The following NLRP1 variants were observed in gnomAD, a reference collection of about 807,000 sequenced individuals.
NLRP1 encodes the protein NLR family pyrin domain containing 1.
In NLRP1, 94 loss-of-function variants were observed where a neutral mutation model predicts 136.7. That is an observed-to-expected ratio of 0.69 (90% CI 0.58 to 0.82). The LOEUF is 0.82. Among genes scored for constraint, NLRP1 ranks in the 40% least tolerant of loss-of-function variants. The pLI is 0.00. For synonymous variants in NLRP1, 690 were observed against 725.1 expected, an observed-to-expected ratio of 0.95 and a Z score of 0.78; for missense variants, 1,575 against 1,802.7, an observed-to-expected ratio of 0.87 and a Z score of 2.29.
intron 2 of NLRP1, 82 bp downstream of exon 2, chr17:5,582,588 A>G (rs1334551948): frequency 4.4e-5 from 60 of 1,352,948 alleles, no homozygotes; most frequent in Non-Finnish European, 6.1e-5. Flanking sequence ...GTCCCCATGC[A>G]CAGACATGAT....
chr17:5,523,494 C>G (rs1909158627), intron 12 of NLRP1, among the ~76,000 whole-genome samples: 1 of 152,162 alleles, frequency 6.6e-6, no homozygotes, highest in African/African-American at 2.4e-5. Context: ...GTTGCATAAC[C>G]TTTTGCTAAG....
chr17:5,563,108 C>T (rs1472835852), intron 3 of NLRP1, among the ~76,000 whole-genome samples: 1 of 151,620 alleles, frequency 6.6e-6, no homozygotes, highest in Non-Finnish European at 1.5e-5. Flanking sequence ...AAAAACAAAA[C>T]AAAAAAAACC....
chr17:5,576,368 T>C (rs914044706), intron 3 of NLRP1, among the ~76,000 whole-genome samples: 3 of 152,134 alleles, frequency 2.0e-5, no homozygotes, highest in Non-Finnish European at 2.9e-5. Context: ...ACAAAATTGA[T>C]AGACCGCTAG....
chr17:5,507,853 C>T (rs893347672), intron 15 of NLRP1, among the ~76,000 whole-genome samples: 4 of 151,866 alleles, frequency 2.6e-5, no homozygotes, highest in Non-Finnish European at 4.4e-5. Context: ...AATTAGCCAG[C>T]GGCCAGGCGC....
In NLRP1 at chr17:5,575,021, C is replaced by T. The variant is rs113510179; in HGVS notation, c.652+6838G>A. Among the ~76,000 whole-genome samples, 1,842 of 152,198 alleles carry T rather than the reference C, an allele frequency of 0.012. 130 individuals carry two copies. The South Asian group carries it at 0.17, about 14-fold the overall frequency. ...ACCCAGAATTTCATATCCAGCCAAA[C>T]TAAGCTTCATAAGTGAAGGAGAAAT... On this transcript the variant is annotated intron_variant, in intron 3 of 16. Coordinates refer to ENST00000572272, the MANE Select transcript of NLRP1 (RefSeq NM_033004.4).
At chr17:5,523,593 C>T (rs113695850) in intron 12 of NLRP1, among the ~76,000 whole-genome samples, 12 of 152,270 alleles carry the variant, frequency 7.9e-5, no homozygotes, top group South Asian at 2.1e-4. Context: ...CTCTGACCAG[C>T]GCCAGGCAAG....
chr17:5,512,607 GA>G (rs1268103264), downstream of NLRP1: 1 of 473,558 alleles, frequency 2.1e-6, no homozygotes. Context: ...TGAAGGACCC[GA>G]AAGACAAGGC....
chr17:5,546,841 A>G (rs889321743), intron 5 of NLRP1, among the ~76,000 whole-genome samples: 6 of 152,192 alleles, frequency 3.9e-5, no homozygotes, highest in African/African-American at 1.4e-4. Flanking sequence ...CTGGCATCCA[A>G]GCGTGTGTAA....
At chr17:5,553,908 T>C (rs1913703074) in intron 4 of NLRP1, among the ~76,000 whole-genome samples, 1 of 151,536 alleles carries the variant, frequency 6.6e-6, no homozygotes, top group Non-Finnish European at 1.5e-5. Context: ...CTGGCCTCGG[T>C]GCTGAGCACT....
chr17:5,523,070 C>T (rs190637602), intron 12 of NLRP1, among the ~76,000 whole-genome samples: 36 of 152,192 alleles, frequency 2.4e-4, no homozygotes, highest in African/African-American at 8.7e-4. Context: ...GACCTCAAGT[C>T]TAGAGGGGTG....
At position 5,570,584 on chromosome 17, in the gene NLRP1, T is replaced by C. The variant is rs577459522; in HGVS notation, c.653-10541A>G. On this transcript the variant is annotated intron_variant, in intron 3 of 16. Transcript: ENST00000572272. ...AACAGAGCAATAACGAGTTCTAAAA[T>C]TGAATCAGTAATAAAAATTCTAACA... Among the ~76,000 whole-genome samples, 16 of 152,204 alleles carry C rather than the reference T, an allele frequency of 1.1e-4. 3 individuals are homozygous for C. Among genetic ancestry groups the C allele is most frequent in the African/African-American group, 3.9e-4 (16 of 41,542 alleles).
chr17:5,510,014 T>C (rs1232685324), downstream of NLRP1, among the ~76,000 whole-genome samples: 2 of 152,178 alleles, frequency 1.3e-5, no homozygotes, highest in African/African-American at 4.8e-5. Flanking sequence ...GTCACATCCA[T>C]TCTGAGGAAG....
chr17:5,549,949 G>A (rs1266491227), intron 5 of NLRP1, among the ~76,000 whole-genome samples: 2 of 152,148 alleles, frequency 1.3e-5, no homozygotes, highest in African/African-American at 4.8e-5. Flanking sequence ...GTGTCTTTGA[G>A]ATAATCATTG....
chr17:5,520,933 C>T lies in NLRP1; in HGVS notation c.3863G>A (p.Cys1288Tyr). Residue 1288 changes from cysteine to tyrosine, a missense_variant, in exon 14 of 17, where the codon TGT becomes TAT. Coordinates refer to ENST00000572272, the MANE Select transcript of NLRP1 (RefSeq NM_033004.4). ...PPPLTPLYMG[C>Y]RYTVSGSGSG... ...ACCAGACCCAGACACAGTGTAACGACAGCCCATATAAAGTGGGGTCAGCGG... is the reference window on the plus strand; with the variant it reads ...ACCAGACCCAGACACAGTGTAACGATAGCCCATATAAAGTGGGGTCAGCGG... 1 of 1,612,322 alleles carries T rather than the reference C, an allele frequency of 6.2e-7. No homozygotes were observed. Among genetic ancestry groups the T allele is most frequent in the Non-Finnish European group, 8.5e-7 (1 of 1,179,128 alleles).
rs58450562 is a variant in NLRP1 at position 5,565,162 on chromosome 17, T to C, written c.653-5119A>G. Among the ~76,000 whole-genome samples, 1,131 of 152,332 alleles carry C rather than the reference T, an allele frequency of 7.4e-3. 9 individuals are homozygous for C. The highest frequency in any genetic ancestry group is 0.026 in the African/African-American group (1,067 of 41,566). ...CCTCACAAGAATTTGTTCTTGCCTG[T>C]CTTTTGGATAAAAGCCATTTTAGCT... On this transcript the variant is annotated intron_variant, in intron 3 of 16. Coordinates refer to ENST00000572272, the MANE Select transcript of NLRP1 (RefSeq NM_033004.4).
At chr17:5,556,556 A>C (rs1914109828) in intron 4 of NLRP1, among the ~76,000 whole-genome samples, 1 of 152,074 alleles carries the variant, frequency 6.6e-6, no homozygotes, top group Non-Finnish European at 1.5e-5. Flanking sequence ...AATAAAATGT[A>C]CAATATGGTT....
At chr17:5,511,805 T>C (rs1907654802), downstream of NLRP1, among the ~76,000 whole-genome samples, 1 of 138,846 alleles carries the variant, frequency 7.2e-6, no homozygotes, top group Admixed American at 7.2e-5. Context: ...CTTTCTCTCT[T>C]TCCTTCCTTC....
chr17:5,543,218 G>C (rs1912108974), intron 5 of NLRP1, among the ~76,000 whole-genome samples: 1 of 152,076 alleles, frequency 6.6e-6, no homozygotes, highest in Non-Finnish European at 1.5e-5. Context: ...ATAAATGAAT[G>C]AAATAGCCTC....
chr17:5,514,904 GC>G lies in NLRP1; in HGVS notation c.4271del (p.Ser1424ThrfsTer9), dbSNP rs1567628594. ...TCAAGCTGAACAGCTTCCGCATCTGGCTGGGCCTCGTGTTCTCAGCCAGCAC... is the reference window on the plus strand; with the variant it reads ...TCAAGCTGAACAGCTTCCGCATCTGGTGGGCCTCGTGTTCTCAGCCAGCAC... ...ERVLAENTRP[S>X]QMRKLFSLSQ... On this transcript the variant is annotated frameshift_variant, in exon 17 of 17. Transcript: ENST00000572272. LOFTEE classifies it low-confidence loss of function (END_TRUNC). 1 of 1,614,012 alleles carries G rather than the reference GC, an allele frequency of 6.2e-7. No individual in the cohort carries two copies. Among genetic ancestry groups the G allele is most frequent in the African/African-American group, 1.3e-5 (1 of 74,902 alleles).
Sources: gnomAD v4.1 joint callset for allele counts (sites outside exome capture counted in the v4.1 genomes callset) on GRCh38, gnomAD v4.1.1 for gene constraint, MANE v1.5 for transcripts, NCBI Gene and HGNC (gene_info 2026-07-23, HGNC 2026-07-21) for gene names.